The following CRADD variants were observed in gnomAD, a reference collection of about 807,000 sequenced individuals.
CRADD encodes the protein death domain-containing protein CRADD.
Under a neutral mutation model 15.5 loss-of-function variants are expected in CRADD, and 9 were observed. The observed-to-expected ratio is 0.58, with a 90% CI of 0.35 to 1.01. The LOEUF is 1.01. CRADD is among the 50% of genes least tolerant of loss of function. The probability of loss-of-function intolerance (pLI) is 0.02; values close to 1 mark genes in which losing one functional copy is unlikely to be tolerated. For synonymous variants in CRADD, 118 were observed against 107.6 expected (o/e 1.10, Z -0.60); for missense variants, 227 against 250.3 (o/e 0.91, Z 0.63).
chr12:93,825,667 T>C (rs11837715), intron 2 of CRADD, among the ~76,000 whole-genome samples: 3,327 of 152,282 alleles, frequency 0.022, 141 homozygotes, highest in African/African-American at 0.075. Context: ...AGATAAAACA[T>C]AGGGCTGGCT....
chr12:93,807,981 CA>C (rs368104878), intron 2 of CRADD, among the ~76,000 whole-genome samples: 2,056 of 67,682 alleles, frequency 0.03, 49 homozygotes, highest in Admixed American at 0.15. Context: ...AAGTGTTATG[CA>C]AAAAAAAAAA....
At chr12:93,800,044 AATAG>A (rs1160575229) in intron 2 of CRADD, among the ~76,000 whole-genome samples, 1 of 152,232 alleles carries the variant, frequency 6.6e-6, no homozygotes, top group Non-Finnish European at 1.5e-5. Context: ...ATATGATATT[AATAG>A]ATAGATTGAC....
chr12:93,829,312 A>C (rs1957862782), intron 2 of CRADD, among the ~76,000 whole-genome samples: 1 of 152,062 alleles, frequency 6.6e-6, no homozygotes, highest in South Asian at 2.1e-4. Flanking sequence ...TTAGACTATT[A>C]TGCTGTGTAG....
chr12:93,695,333 T>C (rs1191002580), intron 2 of CRADD, among the ~76,000 whole-genome samples: 4 of 152,186 alleles, frequency 2.6e-5, no homozygotes, highest in Non-Finnish European at 5.9e-5. Flanking sequence ...GACTTAAACA[T>C]AAGACCAAAA....
intron 2 of CRADD, among the ~76,000 whole-genome samples, chr12:93,785,086 T>C (rs1270085837): frequency 6.6e-6 from 1 of 152,072 alleles, no homozygotes; most frequent in Non-Finnish European, 1.5e-5. Context: ...TGTTGTGTTT[T>C]GCTTTTTTTT....
At chr12:93,884,535 C>T (rs1374105278) in intron 2 of CRADD, among the ~76,000 whole-genome samples, 2 of 152,098 alleles carry the variant, frequency 1.3e-5, no homozygotes, top group Non-Finnish European at 2.9e-5. Flanking sequence ...CGGGGTGGGG[C>T]CTCGGGAAGT....
chr12:93,720,212 A>G (rs182418741), intron 2 of CRADD, among the ~76,000 whole-genome samples: 111 of 152,194 alleles, frequency 7.3e-4, no homozygotes, highest in Non-Finnish European at 8.8e-5. Context: ...GTATTGTTTT[A>G]TCTCCAAGTA....
intron 2 of CRADD, among the ~76,000 whole-genome samples, chr12:93,858,908 C>T (rs1158475677): frequency 6.6e-6 from 1 of 152,246 alleles, no homozygotes; most frequent in Non-Finnish European, 1.5e-5. Context: ...CAGTCTATTT[C>T]CATTAGATCA....
intron 2 of CRADD, among the ~76,000 whole-genome samples, chr12:93,740,687 CT>C (rs1236033581): frequency 1.3e-5 from 2 of 152,148 alleles, no homozygotes; most frequent in Non-Finnish European, 2.9e-5. Context: ...TTGAAATTCT[CT>C]GGTAATCTTT....
At chr12:93,744,949 T>C (rs988563011) in intron 2 of CRADD, among the ~76,000 whole-genome samples, 2 of 152,236 alleles carry the variant, frequency 1.3e-5, no homozygotes, top group Non-Finnish European at 2.9e-5. Context: ...AGAATGGTTT[T>C]CCTCTGCACT....
At position 93,870,744 on chromosome 12, in the gene CRADD, C is replaced by A. The variant is rs116365608; in HGVS notation, c.299-23306C>A. Among the ~76,000 whole-genome samples, 1,144 of 152,300 alleles carry A rather than the reference C, an allele frequency of 7.5e-3. 12 individuals carry two copies. The highest frequency in any genetic ancestry group is 0.026 in the African/African-American group (1,090 of 41,562). On this transcript the variant is annotated intron_variant, in intron 2 of 2. Transcript: ENST00000548483. ...AGCCCGTTATAGAGTGGGGATGTCA[C>A]CCCGGGAAAAGCAGGTCCTAACCCC...
chr12:93,790,912 G>GAC (rs58305551), intron 2 of CRADD, among the ~76,000 whole-genome samples: 2,877 of 144,828 alleles, frequency 0.02, 43 homozygotes, highest in Admixed American at 0.039. Context: ...CCATATACAT[G>GAC]ACACACACAC....
At chr12:93,816,383 A>ATT (rs61294048) in intron 2 of CRADD, among the ~76,000 whole-genome samples, 1 of 122,114 alleles carries the variant, frequency 8.2e-6, no homozygotes, top group Non-Finnish European at 1.6e-5. Flanking sequence ...TGCCTGGCTA[A>ATT]TTTTTTTTTT....
chr12:93,842,871 TTC>T (rs1565935576), intron 2 of CRADD, among the ~76,000 whole-genome samples: 14 of 152,092 alleles, frequency 9.2e-5, no homozygotes, highest in African/African-American at 3.4e-4. Context: ...GATCCTTGGC[TTC>T]ATTGCAGTAA....
At chr12:93,846,511 A>G (rs141760953) in intron 2 of CRADD, 18 of 151,530 alleles carry the variant, frequency 1.2e-4, no homozygotes, top group African/African-American at 4.4e-4. Context: ...GTGAAGTGGA[A>G]TGGATTTTTT....
In CRADD at chr12:93,850,396, A is replaced by T; in HGVS notation, c.*125A>T. The T allele has an allele frequency of 7.1e-7, 1 of 1,400,504 alleles. No individual in the cohort carries two copies. Among genetic ancestry groups the T allele is most frequent in the South Asian group, 1.8e-5 (1 of 57,066 alleles). 86.8% of individuals were successfully genotyped at this position (1,400,504 alleles called of 1,614,324 possible). On this transcript the variant is annotated 3_prime_UTR_variant, in exon 3 of 3. Coordinates refer to ENST00000332896, the MANE Select transcript of CRADD (RefSeq NM_003805.5). This position sits in a 1 kb window ranked among gnomAD's most constrained non-coding sequence, Gnocchi z 4.0. ...TTATTTTTGATGATCTTCAGATGGA[A>T]GGAGAAAACAGGGTTTCCACTAGAC...
chr12:93,756,252 G>T (rs369288326), intron 2 of CRADD, among the ~76,000 whole-genome samples: 1 of 152,182 alleles, frequency 6.6e-6, no homozygotes, highest in African/African-American at 2.4e-5. Flanking sequence ...TATCTGAAAT[G>T]TGTGTTACAG....
intron 1 of CRADD, 159 bp downstream of exon 1, chr12:93,677,631 G>GGTCC (rs1367761695): frequency 1.2e-4 from 18 of 152,278 alleles, no homozygotes; most frequent in African/African-American, 4.3e-4. Context: ...CTCTCCCCTT[G>GGTCC]GTCCGCTCTT....
chr12:93,798,018 A>G (rs563086516), intron 2 of CRADD, among the ~76,000 whole-genome samples: 1 of 152,290 alleles, frequency 6.6e-6, no homozygotes, highest in East Asian at 1.9e-4. Flanking sequence ...TTTGCTCAAG[A>G]TTGGAAACAA....
Sources: allele counts gnomAD v4.1 joint callset (sites outside exome capture counted in the v4.1 genomes callset), GRCh38; gene constraint gnomAD v4.1.1; non-coding constraint Gnocchi (gnomAD v3.1); transcripts MANE v1.5; gene names NCBI Gene and HGNC (gene_info 2026-07-23, HGNC 2026-07-21).